POFUT3: variants seen among roughly 807,000 people sequenced by gnomAD.
POFUT3 encodes the protein GDP-fucose protein O-fucosyltransferase 3.
At chr8:33,309,693 G>T in the POFUT3 span, among the ~76,000 whole-genome samples, 1 of 152,104 alleles carries the variant, frequency 6.6e-6, no homozygotes, top group South Asian at 2.1e-4. Context: ...CGCTTAGTCA[G>T]TACTCAGTAA....
chr8:33,323,440 A>G, the POFUT3 span, among the ~76,000 whole-genome samples: 1 of 152,176 alleles, frequency 6.6e-6, no homozygotes, highest in Admixed American at 6.6e-5. Context: ...ACAAAGGGTA[A>G]TGAAGTCTGC....
the POFUT3 span, among the ~76,000 whole-genome samples, chr8:33,390,997 G>A: frequency 6.6e-6 from 1 of 152,168 alleles, no homozygotes; most frequent in African/African-American, 2.4e-5. Context: ...AAGTATTCTT[G>A]ACATGGATAA....
At chr8:33,375,531 G>C in the POFUT3 span, among the ~76,000 whole-genome samples, 2 of 152,074 alleles carry the variant, frequency 1.3e-5, no homozygotes, top group East Asian at 3.9e-4. Context: ...AACAAAGACT[G>C]AATGACTGAC....
At chr8:33,358,385 T>G in the POFUT3 span, among the ~76,000 whole-genome samples, 1 of 152,146 alleles carries the variant, frequency 6.6e-6, no homozygotes, top group African/African-American at 2.4e-5. Flanking sequence ...CTGGTCTAGA[T>G]TAACAGAGGG....
At chr8:33,361,016 T>A in the POFUT3 span, 3 of 152,210 alleles carry the variant, frequency 2.0e-5, no homozygotes, top group Non-Finnish European at 4.4e-5. Flanking sequence ...GGGACCAACA[T>A]TCTCTCAGAC....
the POFUT3 span, among the ~76,000 whole-genome samples, chr8:33,357,850 T>C: frequency 1.3e-5 from 2 of 152,158 alleles, no homozygotes; most frequent in African/African-American, 4.8e-5. Context: ...AGTGTCTCTT[T>C]AGTCCATTAG....
At chr8:33,359,938 G>A in the POFUT3 span, among the ~76,000 whole-genome samples, 3 of 152,074 alleles carry the variant, frequency 2.0e-5, no homozygotes, top group East Asian at 1.9e-4. Flanking sequence ...CCCGGGAGGC[G>A]GAGGTTGCAG....
chr8:33,309,138 TAAAAAAAAAAAAA>T, the POFUT3 span, among the ~76,000 whole-genome samples: 152 of 41,454 alleles, frequency 3.7e-3, no homozygotes, highest in African/African-American at 5.7e-3. Context: ...CTGGGGAGTG[TAAAAAAAAAAAAA>T]AAAAAAAAAA....
chr8:33,403,141 TA>T, the POFUT3 span, among the ~76,000 whole-genome samples: 38 of 151,192 alleles, frequency 2.5e-4, no homozygotes, highest in African/African-American at 9.0e-4. Context: ...CTCAAATACA[TA>T]AAAGAAGGAA....
At chr8:33,374,722 T>A in the POFUT3 span, among the ~76,000 whole-genome samples, 1 of 151,944 alleles carries the variant, frequency 6.6e-6, no homozygotes, top group African/African-American at 2.4e-5. Flanking sequence ...AAATATTCTG[T>A]AAAAAAAATT....
At chr8:33,389,949 CT>C in the POFUT3 span, 9 of 617,104 alleles carry the variant, frequency 1.5e-5, no homozygotes, top group East Asian at 2.5e-4. Flanking sequence ...AATCCCAGCA[CT>C]TTGGGAGGCC....
the POFUT3 span, among the ~76,000 whole-genome samples, chr8:33,357,333 A>G: frequency 6.6e-6 from 1 of 151,918 alleles, no homozygotes; most frequent in African/African-American, 2.4e-5. Flanking sequence ...TATCTTTCCT[A>G]TCTCCAAAAG....
At chr8:33,318,733 A>C in the POFUT3 span, among the ~76,000 whole-genome samples, 3 of 74,264 alleles carry the variant, frequency 4.0e-5, no homozygotes, top group Non-Finnish European at 6.7e-5. Context: ...TATATATTTT[A>C]TATATATTTA....
the POFUT3 span, among the ~76,000 whole-genome samples, chr8:33,352,131 T>C: frequency 1.3e-5 from 2 of 152,192 alleles, no homozygotes; most frequent in African/African-American, 4.8e-5. Flanking sequence ...CCCTCTTGTG[T>C]CCTGCTGAGG....
At chr8:33,436,371 A>T in the POFUT3 span, 1 of 1,376,102 alleles carries the variant, frequency 7.3e-7, no homozygotes, top group Middle Eastern at 1.8e-4. Context: ...ATCTTTCATG[A>T]TGTCACATTC....
the POFUT3 span, among the ~76,000 whole-genome samples, chr8:33,442,012 C>T: frequency 6.6e-6 from 1 of 152,086 alleles, no homozygotes; most frequent in Non-Finnish European, 1.5e-5. Flanking sequence ...TGCAGTGGCA[C>T]GATCTTGGCT....
the POFUT3 span, among the ~76,000 whole-genome samples, chr8:33,326,864 A>G: frequency 3.9e-5 from 6 of 152,118 alleles, no homozygotes; most frequent in Non-Finnish European, 8.8e-5. Flanking sequence ...TGCATCCTCA[A>G]ACTCCTGGGC....
chr8:33,424,120 C>T, the POFUT3 span, among the ~76,000 whole-genome samples: 1 of 148,972 alleles, frequency 6.7e-6, no homozygotes, highest in Non-Finnish European at 1.5e-5. Flanking sequence ...GCCTGGGTGA[C>T]AGAGAAAGAC....
At chr8:33,467,879 C>A in the POFUT3 span, among the ~76,000 whole-genome samples, 3 of 152,162 alleles carry the variant, frequency 2.0e-5, no homozygotes, top group Admixed American at 6.6e-5. Context: ...GGGGTGATTT[C>A]TTTCCTGCGT....
Sources: gnomAD v4.1 joint callset for allele counts (sites outside exome capture counted in the v4.1 genomes callset) on GRCh38, gnomAD v4.1.1 for gene constraint, MANE v1.5 for transcripts, NCBI Gene and HGNC (gene_info 2026-07-23, HGNC 2026-07-21) for gene names.